The following DPP6 variants were observed in gnomAD, a reference collection of about 807,000 sequenced individuals.
DPP6 encodes the protein dipeptidyl peptidase like 6.
Under a neutral mutation model 122.6 loss-of-function variants are expected in DPP6, and 69 were observed. The ratio of observed to expected loss-of-function variants is 0.56; its 90% CI spans 0.46 to 0.69. The LOEUF (loss-of-function observed/expected upper bound fraction) is 0.69. Ranked by LOEUF, DPP6 falls within the 30% of genes least tolerant of loss-of-function variation. The pLI, the probability that DPP6 is intolerant of heterozygous loss-of-function variation, is 0.00. For synonymous variants in DPP6, 418 were observed against 433.1 expected, an observed-to-expected ratio of 0.97 and a Z score of 0.43; for missense variants, 928 against 1,116.9, an observed-to-expected ratio of 0.83 and a Z score of 2.41.
intron 1 of DPP6, among the ~76,000 whole-genome samples, chr7:154,063,138 G>C (rs1341835116): frequency 8.2e-6 from 1 of 121,260 alleles, no homozygotes; most frequent in African/African-American, 3.1e-5. Context: ...CCCCCCACGA[G>C]AGTGGGGACT....
At chr7:154,244,325 C>T (rs1801834804) in intron 1 of DPP6, among the ~76,000 whole-genome samples, 1 of 152,040 alleles carries the variant, frequency 6.6e-6, no homozygotes, top group Admixed American at 6.5e-5. Context: ...AAAATAAAGA[C>T]ATTTTCAGAT....
At chr7:154,654,892 T>A (rs1837140530) in intron 6 of DPP6, among the ~76,000 whole-genome samples, 1 of 152,148 alleles carries the variant, frequency 6.6e-6, no homozygotes, top group African/African-American at 2.4e-5. Flanking sequence ...AAAAAATGAA[T>A]ATATATGAAT....
rs111163545 is a variant in DPP6 at position 154,884,541 on chromosome 7, G to A, written c.2134-1092G>A. On this transcript the variant is annotated intron_variant, in intron 21 of 25. Coordinates refer to ENST00000377770, the MANE Select transcript of DPP6 (RefSeq NM_130797.4). Reference sequence around the variant, plus strand: ...CACACATTCACATTCACATGTTCACGCACACATGCTCACATGCTCACCCAT... The same window carrying A: ...CACACATTCACATTCACATGTTCACACACACATGCTCACATGCTCACCCAT... The A allele has an allele frequency of 8.0e-3, 1,134 of 140,886 alleles. 6 individuals carry two copies. Among genetic ancestry groups the A allele is most frequent in the Non-Finnish European group, 0.011 (739 of 65,572 alleles). The allele number at this position is 140,886 out of a possible 1,614,324, so 8.7% of individuals were successfully genotyped here.
At chr7:154,168,002 G>T (rs1250891851) in intron 1 of DPP6, among the ~76,000 whole-genome samples, 1 of 152,182 alleles carries the variant, frequency 6.6e-6, no homozygotes, top group South Asian at 2.1e-4. Flanking sequence ...CTCATTTGGA[G>T]GTTTTGTCAG....
chr7:153,952,449 T>G (rs1802263899), intron 1 of DPP6, among the ~76,000 whole-genome samples: 1 of 152,256 alleles, frequency 6.6e-6, no homozygotes, highest in Admixed American at 6.5e-5. Context: ...ATCCAGATTT[T>G]AATTCTATCA....
chr7:154,159,094 G>C (rs990331028), intron 1 of DPP6, among the ~76,000 whole-genome samples: 12 of 152,080 alleles, frequency 7.9e-5, no homozygotes, highest in Non-Finnish European at 1.6e-4. Flanking sequence ...GCTGAGGGAA[G>C]GGATCAGAAT....
chr7:153,931,087 A>G (rs775638833), intron 1 of DPP6, among the ~76,000 whole-genome samples: 1 of 152,176 alleles, frequency 6.6e-6, no homozygotes, highest in Non-Finnish European at 1.5e-5. Context: ...GCTCACTGGG[A>G]TGTATCTGTC....
Position 154,532,655 on chromosome 7 carries a change from C to T in DPP6, c.458-7877C>T, listed in dbSNP as rs189804593. On this transcript the variant is annotated intron_variant, in intron 3 of 25. Coordinates refer to ENST00000377770, the MANE Select transcript of DPP6 (RefSeq NM_130797.4). ...TAAAGTAGGGAGATAAATGCAGATGCCACGATCCTACTAAAGCATAACCTG... is the reference window on the plus strand; with the variant it reads ...TAAAGTAGGGAGATAAATGCAGATGTCACGATCCTACTAAAGCATAACCTG... Among the ~76,000 whole-genome samples the T allele has an allele frequency of 2.6e-5, 4 of 151,948 alleles. No individual in the cohort carries two copies. The East Asian group carries it at 5.8e-4, about 22-fold the overall frequency.
chr7:153,861,007 C>T, the DPP6 span, among the ~76,000 whole-genome samples: 1 of 152,036 alleles, frequency 6.6e-6, no homozygotes, highest in Admixed American at 6.6e-5. Flanking sequence ...TTTTTATTAC[C>T]CTTCCCCATA....
At chr7:154,410,594 T>C (rs376609058) in intron 1 of DPP6, among the ~76,000 whole-genome samples, 6 of 152,316 alleles carry the variant, frequency 3.9e-5, no homozygotes, top group Admixed American at 1.3e-4. Flanking sequence ...TCTGTGGAGA[T>C]AGGTGGAGGA....
intron 2 of DPP6, among the ~76,000 whole-genome samples, chr7:154,450,661 C>T (rs979826329): frequency 6.6e-6 from 1 of 152,186 alleles, no homozygotes; most frequent in African/African-American, 2.4e-5. Flanking sequence ...CAATCCAGTG[C>T]TTCAATGCCC....
At chr7:153,928,402 T>TTTTTTTTTTTTTTTG (rs1801019292) in intron 1 of DPP6, among the ~76,000 whole-genome samples, 1 of 105,258 alleles carries the variant, frequency 9.5e-6, no homozygotes, top group Non-Finnish European at 1.9e-5. Context: ...TTTCATTTTT[T>TTTTTTTTTTTTTTTG]TTTTTTTTTT....
intron 17 of DPP6, among the ~76,000 whole-genome samples, chr7:154,856,519 T>C (rs778465363): frequency 6.6e-6 from 1 of 152,232 alleles, no homozygotes; most frequent in Non-Finnish European, 1.5e-5. Context: ...GTGCAATTCT[T>C]CGGAAGAGAG....
intron 1 of DPP6, among the ~76,000 whole-genome samples, chr7:154,271,534 A>G (rs1803793258): frequency 6.6e-6 from 1 of 152,196 alleles, no homozygotes; most frequent in African/African-American, 2.4e-5. Context: ...TCATTTTTAA[A>G]CAGCACAATT....
At chr7:154,622,786 G>A (rs771847332) in intron 5 of DPP6, among the ~76,000 whole-genome samples, 13 of 152,146 alleles carry the variant, frequency 8.5e-5, no homozygotes, top group African/African-American at 1.9e-4. Context: ...CATGGACCAC[G>A]GTCCCAGCCA....
intron 3 of DPP6, among the ~76,000 whole-genome samples, chr7:154,514,661 A>G (rs1482298230): frequency 6.6e-6 from 1 of 152,126 alleles, no homozygotes; most frequent in Non-Finnish European, 1.5e-5. Flanking sequence ...TGACTGGCTT[A>G]TTTCACTTAT....
intron 5 of DPP6, among the ~76,000 whole-genome samples, chr7:154,614,392 G>C (rs995920469): frequency 3.3e-5 from 5 of 151,650 alleles, no homozygotes; most frequent in Non-Finnish European, 7.4e-5. Flanking sequence ...CATTCTGTTT[G>C]CATTTTTTCT....
At chr7:154,078,115 C>G (rs779257313) in intron 1 of DPP6, among the ~76,000 whole-genome samples, 28 of 152,042 alleles carry the variant, frequency 1.8e-4, no homozygotes, top group Non-Finnish European at 3.8e-4. Flanking sequence ...CATGTGAATG[C>G]ATTCAGGACT....
chr7:154,420,642 C>T (rs1817394357), intron 1 of DPP6, among the ~76,000 whole-genome samples: 1 of 152,104 alleles, frequency 6.6e-6, no homozygotes, highest in South Asian at 2.1e-4. Flanking sequence ...TATTGCACGG[C>T]ATGGTAACTA....
Sources: gnomAD v4.1 joint callset for allele counts (sites outside exome capture counted in the v4.1 genomes callset) on GRCh38, gnomAD v4.1.1 for gene constraint, MANE v1.5 for transcripts, NCBI Gene and HGNC (gene_info 2026-07-23, HGNC 2026-07-21) for gene names.